MAP3K10: variants seen among roughly 807,000 people sequenced by gnomAD.
MAP3K10 encodes mitogen-activated protein kinase kinase kinase 10.
A neutral mutation model predicts 75.0 loss-of-function variants in MAP3K10; 22 were observed. That is an observed-to-expected ratio of 0.29 (90% CI 0.21 to 0.42). MAP3K10 has a LOEUF of 0.42. MAP3K10 is among the 10% of genes least tolerant of loss of function. The pLI is 1.00. For synonymous variants in MAP3K10, 599 were observed against 612.9 expected, an observed-to-expected ratio of 0.98 and a Z score of 0.34; for missense variants, 1,165 against 1,379.8, an observed-to-expected ratio of 0.84 and a Z score of 2.47.
At chr19:40,196,529 A>T (rs4530264) in intron 1 of MAP3K10, among the ~76,000 whole-genome samples, 114,798 of 151,996 alleles carry the variant, frequency 0.76, 43,537 homozygotes, top group African/African-American at 0.81. Context: ...TTATTTATTT[A>T]TTTCATTGAG....
chr19:40,205,698 A>G lies in MAP3K10; in HGVS notation c.1189-213A>G. The G allele has an allele frequency of 1.8e-6, 1 of 540,786 alleles. No individual in the cohort carries two copies. The highest frequency in any genetic ancestry group is 3.2e-6 in the Non-Finnish European group (1 of 312,962). The allele number at this position is 540,786 out of a possible 1,614,324, so 33.5% of individuals were successfully genotyped here. On this transcript the variant is annotated intron_variant, in intron 4 of 9. Coordinates refer to ENST00000253055, the MANE Select transcript of MAP3K10 (RefSeq NM_002446.4). The surrounding 1 kb of genome is among the most constrained non-coding windows in gnomAD (Gnocchi z 4.3). ...TAAATTGAAGAGTTAAGAAAGAAAAAGAAAGAAAAAGCACCCCTTTCTTTG... is the reference window on the plus strand; with the variant it reads ...TAAATTGAAGAGTTAAGAAAGAAAAGGAAAGAAAAAGCACCCCTTTCTTTG...
Position 40,213,462 on chromosome 19 carries a change from C to G in MAP3K10, c.1838-55C>G. 1 of 1,589,634 alleles carries G rather than the reference C, an allele frequency of 6.3e-7. No individual in the cohort carries two copies. The highest frequency in any genetic ancestry group is 2.3e-5 in the East Asian group (1 of 43,796). The stretch of plus-strand genomic sequence containing the variant: ...TCGGGGGCTGTCCCTTGGCACAAGT[C>G]CCCGTGGGGCCCTGGCCAGCCCTGC... On this transcript the variant is annotated intron_variant, in intron 8 of 9. Transcript: ENST00000253055. This position sits in a 1 kb window ranked among gnomAD's most constrained non-coding sequence, Gnocchi z 5.7.
rs151230670 is a variant in MAP3K10, at chr19:40,215,004, C to G, written c.2577C>G (p.Pro859=). The G allele has an allele frequency of 6.3e-7, 1 of 1,593,076 alleles. No homozygotes were observed. The change falls in exon 10 of 10, where the codon CCC becomes CCG. Residue 859 remains proline, a synonymous_variant. Transcript: ENST00000253055. ...PRDLLDFPRL[P]DPQALFPARR... ...ACCTTCTGGACTTCCCCCGCCTGCC[C>G]GACCCCCAGGCCCTGTTCCCAGCCC...
chr19:40,196,658 C>T (rs1599899886), intron 1 of MAP3K10, among the ~76,000 whole-genome samples: 2 of 152,070 alleles, frequency 1.3e-5, no homozygotes, highest in South Asian at 2.1e-4. Flanking sequence ...AGCTGGGACT[C>T]CAGGCACCCG....
rs1973097577 is a variant in MAP3K10 at position 40,205,266 on chromosome 19, CAT to C, written c.1159_1160del (p.Met387ValfsTer2). 1 of 1,613,946 alleles carries C rather than the reference CAT, an allele frequency of 6.2e-7. No homozygotes were observed. The highest frequency in any genetic ancestry group is 8.5e-7 in the Non-Finnish European group (1 of 1,180,032). On this transcript the variant is annotated frameshift_variant, in exon 4 of 10. Coordinates refer to ENST00000253055, the MANE Select transcript of MAP3K10 (RefSeq NM_002446.4). LOFTEE classifies it high-confidence loss of function. The surrounding 1 kb of genome is among the most constrained non-coding windows in gnomAD (Gnocchi z 4.3). ...AAGACTGGAAGCTGGAGATTCAGCA[CAT>C]GTTTGATGACCTTCGGACCAAGGAG... is the stretch of plus-strand genomic sequence containing the variant. ...QEDWKLEIQHMFDDLRTKEKE... is the reference protein window; with the variant it reads ...QEDWKLEIQHXFDDLRTKEKE...
Position 40,198,795 on chromosome 19 carries a change from C to T in MAP3K10, c.863+240C>T, listed in dbSNP as rs544452777. Among the ~76,000 whole-genome samples the T allele has an allele frequency of 1.5e-4, 23 of 152,348 alleles. No individual in the cohort carries two copies. The East Asian group carries it at 3.7e-3, about 24-fold the overall frequency. On this transcript the variant is annotated intron_variant, in intron 2 of 9. Coordinates refer to ENST00000253055, the MANE Select transcript of MAP3K10 (RefSeq NM_002446.4). The surrounding 1 kb of genome is among the most constrained non-coding windows in gnomAD (Gnocchi z 4.3). ...TAGGATCTAGAGACAAGGCCGGGCG[C>T]GGGGGCGCACACCTGTAATCCCAGC...
intron 2 of MAP3K10, among the ~76,000 whole-genome samples, chr19:40,200,905 C>T (rs1045843259): frequency 1.5e-4 from 23 of 151,746 alleles, no homozygotes; most frequent in African/African-American, 5.1e-4. Context: ...TCACTGCACC[C>T]GGCCGGGCAG....
rs991524274 is a variant in MAP3K10 at position 40,198,308 on chromosome 19, G to A, written c.683-67G>A. The A allele has an allele frequency of 1.9e-5, 27 of 1,455,720 alleles. No individual in the cohort carries two copies. The highest frequency in any genetic ancestry group is 1.2e-4 in the Admixed American group (6 of 51,520). The allele number at this position is 1,455,720 out of a possible 1,614,324, so 90.2% of individuals were successfully genotyped here. ...AAGACGTGTTTCTAGCTGAGGCAGC[G>A]GGCCAGAACACTTGGGTCTGCGGCG... On this transcript the variant is annotated intron_variant, in intron 1 of 9. Transcript: ENST00000253055. The surrounding 1 kb of genome is among the most constrained non-coding windows in gnomAD (Gnocchi z 4.3).
At position 40,204,450 on chromosome 19, in the gene MAP3K10, C is replaced by T. The variant is rs1189489230; in HGVS notation, c.864-35C>T. ...GGGTATAGGTGAGGATTGGGGTGGG[C>T]TGCGACATCACCCCTCCCTCTCCCC... On this transcript the variant is annotated intron_variant, in intron 2 of 9. Transcript: ENST00000253055. The surrounding 1 kb of genome is among the most constrained non-coding windows in gnomAD (Gnocchi z 4.3). 1.3e-6 allele frequency: 2 copies of T among 1,597,798 alleles called. No individual in the cohort carries two copies. The highest frequency in any genetic ancestry group is 1.7e-5 in the Admixed American group (1 of 59,556).
At position 40,213,984 on chromosome 19, in the gene MAP3K10, G is replaced by A; in HGVS notation, c.2305G>A (p.Ala769Thr). Residue 769 changes from alanine (A) to threonine (T), a missense_variant, in exon 9 of 10, where the codon GCC (alanine) becomes ACC (threonine). Coordinates refer to ENST00000253055, the MANE Select transcript of MAP3K10 (RefSeq NM_002446.4). The surrounding 1 kb of genome is among the most constrained non-coding windows in gnomAD (Gnocchi z 5.7). ...ACTGCTGCGCTCTGACAGTGACGAG[G>A]CCGCACCGGCCGCGCCCTCCCCACC... ...RSLLRSDSDEAAPAAPSPPPS... is the reference protein window; with the variant it reads ...RSLLRSDSDETAPAAPSPPPS... The A allele has an allele frequency of 6.5e-7, 1 of 1,527,738 alleles. No individual in the cohort carries two copies. Among genetic ancestry groups the A allele is most frequent in the Non-Finnish European group, 8.7e-7 (1 of 1,143,660 alleles). 94.6% of individuals were successfully genotyped at this position (1,527,738 alleles called of 1,614,324 possible).
At chr19:40,209,286 T>C in intron 6 of MAP3K10, 67 bp downstream of exon 6, 3 of 1,275,068 alleles carry the variant, frequency 2.4e-6, no homozygotes, top group Non-Finnish European at 3.4e-6. Flanking sequence ...GCACGATGTT[T>C]ATACCTGGCA....
chr19:40,206,088 A>G lies in MAP3K10; in HGVS notation c.1366A>G (p.Lys456Glu). Reference protein sequence around the residue: ...SQEKPRVRKRKGNFKRSRLLK... With the variant: ...SQEKPRVRKREGNFKRSRLLK... ...GGAGAAGCCCCGGGTCCGCAAGCGC[A>G]AGGGCAACTTCAAGCGCAGCCGCCT... The change falls in exon 5 of 10, where the codon AAG becomes GAG. Residue 456 changes from lysine (K) to glutamate (E), a missense_variant. Around this residue, in one of 2 missense-constraint regions of MAP3K10, gnomAD observed 575 missense variants for 793.2 expected, o/e 0.72. Coordinates refer to ENST00000253055, the MANE Select transcript of MAP3K10 (RefSeq NM_002446.4). 1 of 1,613,446 alleles carries G rather than the reference A, an allele frequency of 6.2e-7. No individual in the cohort carries two copies. The highest frequency in any genetic ancestry group is 8.5e-7 in the Non-Finnish European group (1 of 1,179,760).
At position 40,209,090 on chromosome 19, in the gene MAP3K10, T is replaced by A; in HGVS notation, c.1436-13T>A. Reference sequence around the variant, plus strand: ...AACCATTTGCTTAGGAAAGCTTCTCTTTCTTTCTGCAGGCTTTGAGCATAA... The same window carrying A: ...AACCATTTGCTTAGGAAAGCTTCTCATTCTTTCTGCAGGCTTTGAGCATAA... On this transcript the variant is annotated splice_polypyrimidine_tract_variant and intron_variant, in intron 5 of 9. Coordinates refer to ENST00000253055, the MANE Select transcript of MAP3K10 (RefSeq NM_002446.4). 1 of 1,600,490 alleles carries A rather than the reference T, an allele frequency of 6.2e-7. No homozygotes were observed. Among genetic ancestry groups the A allele is most frequent in the South Asian group, 1.1e-5 (1 of 90,780 alleles).
rs550568293 is a variant in MAP3K10 at position 40,212,332 on chromosome 19, G to C, written c.1553-473G>C. ...CCCACCCACAGCCCCCCTGCCCTCTGTCTGGGCACCTGCTTTGTACCAGGC... is the reference window on the plus strand; with the variant it reads ...CCCACCCACAGCCCCCCTGCCCTCTCTCTGGGCACCTGCTTTGTACCAGGC... On this transcript the variant is annotated intron_variant, in intron 6 of 9. Transcript: ENST00000253055. The surrounding 1 kb of genome is among the most constrained non-coding windows in gnomAD (Gnocchi z 4.2). Among the ~76,000 whole-genome samples, 1 of 152,126 alleles carries C rather than the reference G, an allele frequency of 6.6e-6. No homozygotes were observed. The highest frequency in any genetic ancestry group is 2.1e-4 in the South Asian group (1 of 4,824).
Position 40,205,305 on chromosome 19 carries a change from A to G in MAP3K10, c.1188+9A>G. 1 of 1,613,772 alleles carries G rather than the reference A, an allele frequency of 6.2e-7. No homozygotes were observed. Among genetic ancestry groups the G allele is most frequent in the Non-Finnish European group, 8.5e-7 (1 of 1,179,918 alleles). ...TTCGGACCAAGGAGAAGGTGAAGGC[A>G]GGGGGCAAGGTGGGAAAGATGGAGC... On this transcript the variant is annotated intron_variant, in intron 4 of 9. Transcript: ENST00000253055. This position sits in a 1 kb window ranked among gnomAD's most constrained non-coding sequence, Gnocchi z 4.3.
Position 40,215,391 on chromosome 19 carries a change from A to T in MAP3K10, c.*99A>T. 1.9e-6 allele frequency: 2 copies of T among 1,070,162 alleles called. No homozygotes were observed. The highest frequency in any genetic ancestry group is 1.6e-5 in the African/African-American group (1 of 62,502). 66.3% of individuals were successfully genotyped at this position (1,070,162 alleles called of 1,614,324 possible). A position where few individuals can be genotyped will look rare whatever the true frequency, so the allele number is the denominator to read the frequency against. The stretch of plus-strand genomic sequence containing the variant: ...CAAGGTGGGGGAGGCCCTGGGCAGG[A>T]TGTTCACTCTATTTATTGGGGAAGG... On this transcript the variant is annotated 3_prime_UTR_variant, in exon 10 of 10. Transcript: ENST00000253055.
chr19:40,211,801 G>A (rs1167097165), intron 6 of MAP3K10, among the ~76,000 whole-genome samples: 1 of 152,094 alleles, frequency 6.6e-6, no homozygotes, highest in Non-Finnish European at 1.5e-5. Flanking sequence ...TCAACTCACT[G>A]CAACCTCTGC....
intron 6 of MAP3K10, among the ~76,000 whole-genome samples, chr19:40,209,713 C>A (rs1188145100): frequency 6.6e-6 from 1 of 151,768 alleles, no homozygotes; most frequent in Non-Finnish European, 1.5e-5. Flanking sequence ...CGCGCCCGGG[C>A]GCAGGATAAT....
rs1297100961 is a variant in MAP3K10 at position 40,206,090 on chromosome 19, G to A, written c.1368G>A (p.Lys456=). The A allele has an allele frequency of 1.2e-6, 2 of 1,613,418 alleles. No individual in the cohort carries two copies. The highest frequency in any genetic ancestry group is 1.3e-5 in the African/African-American group (1 of 75,044). The change falls in exon 5 of 10, where the codon AAG becomes AAA. Residue 456 remains lysine, a synonymous_variant. Coordinates refer to ENST00000253055, the MANE Select transcript of MAP3K10 (RefSeq NM_002446.4). Reference sequence around the variant, plus strand: ...AGAAGCCCCGGGTCCGCAAGCGCAAGGGCAACTTCAAGCGCAGCCGCCTGC... The same window carrying A: ...AGAAGCCCCGGGTCCGCAAGCGCAAAGGCAACTTCAAGCGCAGCCGCCTGC... The part of the protein sequence containing the change: ...SQEKPRVRKR[K]GNFKRSRLLK...
Sources: allele counts gnomAD v4.1 joint callset (sites outside exome capture counted in the v4.1 genomes callset), GRCh38; gene constraint gnomAD v4.1.1; regional missense constraint gnomAD v4.1.1; non-coding constraint Gnocchi (gnomAD v3.1); transcripts MANE v1.5; gene names NCBI Gene and HGNC (gene_info 2026-07-23, HGNC 2026-07-21).